The following TBC1D12 variants were observed in gnomAD, a reference collection of about 807,000 sequenced individuals.
TBC1D12 encodes the protein TBC1 domain family, member 12.
In TBC1D12, 56 loss-of-function variants were observed where a neutral mutation model predicts 86.7. The ratio of observed to expected loss-of-function variants is 0.65; its 90% confidence interval spans 0.52 to 0.81. The LOEUF (loss-of-function observed/expected upper bound fraction) is 0.81. Ranked by LOEUF, TBC1D12 falls within the 30% of genes least tolerant of loss-of-function variation. TBC1D12 has a pLI of 0.00. For missense variants in TBC1D12, 1,023 were observed against 1,038.8 expected (o/e 0.98, Z 0.21); for synonymous variants, 421 against 411.7 (o/e 1.02, Z -0.27).
chr10:94,420,099 G>T (rs907841239), intron 1 of TBC1D12, among the ~76,000 whole-genome samples: 2 of 152,158 alleles, frequency 1.3e-5, no homozygotes, highest in Non-Finnish European at 2.9e-5. Context: ...TTTGGAGGTG[G>T]TATCTTTGAG....
At chr10:94,496,339 C>T (rs1263508074) in intron 4 of TBC1D12, among the ~76,000 whole-genome samples, 5 of 152,062 alleles carry the variant, frequency 3.3e-5, no homozygotes, top group Admixed American at 6.6e-5. Context: ...TTTTCTTCCT[C>T]TAACTTTTGC....
At chr10:94,513,837 G>A (rs1336797622) in intron 9 of TBC1D12, among the ~76,000 whole-genome samples, 1 of 152,124 alleles carries the variant, frequency 6.6e-6, no homozygotes, top group Non-Finnish European at 1.5e-5. Flanking sequence ...GGGATTACAA[G>A]TGTGACCTAC....
At chr10:94,404,302 G>T (rs1354734567) in intron 1 of TBC1D12, among the ~76,000 whole-genome samples, 2 of 151,850 alleles carry the variant, frequency 1.3e-5, no homozygotes, top group Non-Finnish European at 2.9e-5. Context: ...AATAACTTTA[G>T]TTTTTTTAAA....
At chr10:94,429,400 A>G (rs1179875800) in intron 1 of TBC1D12, among the ~76,000 whole-genome samples, 1 of 152,122 alleles carries the variant, frequency 6.6e-6, no homozygotes, top group Non-Finnish European at 1.5e-5. Context: ...AAAAAACCCT[A>G]CTTTTTTTGC....
At chr10:94,526,523 A>C (rs145052629) in intron 11 of TBC1D12, among the ~76,000 whole-genome samples, 2 of 152,094 alleles carry the variant, frequency 1.3e-5, no homozygotes, top group Non-Finnish European at 2.9e-5. Context: ...ACTTAACATA[A>C]TGTCCTCTGG....
chr10:94,522,491 GA>G (rs1842177268), intron 11 of TBC1D12, 38 bp downstream of exon 11: 4 of 877,392 alleles, frequency 4.6e-6, no homozygotes, highest in Non-Finnish European at 6.8e-6. Context: ...TAATGAAAAG[GA>G]AATAAAGTAT....
chr10:94,477,498 G>A (rs1430139909), intron 3 of TBC1D12, among the ~76,000 whole-genome samples: 2 of 152,106 alleles, frequency 1.3e-5, no homozygotes, highest in African/African-American at 4.8e-5. Context: ...ACTGTACATG[G>A]GAATACCTGG....
At chr10:94,476,488 C>T (rs2055990111) in intron 3 of TBC1D12, among the ~76,000 whole-genome samples, 2 of 151,690 alleles carry the variant, frequency 1.3e-5, no homozygotes, top group South Asian at 4.2e-4. Context: ...TGAACCAGGC[C>T]AATTCAAAGA....
At chr10:94,477,822 A>G (rs988885945) in intron 3 of TBC1D12, among the ~76,000 whole-genome samples, 1 of 152,204 alleles carries the variant, frequency 6.6e-6, no homozygotes, top group African/African-American at 2.4e-5. Flanking sequence ...TGGGCTGCAC[A>G]GCAGGAGGTG....
intron 7 of TBC1D12, chr10:94,508,654 A>G (rs1426047284): frequency 6.6e-6 from 1 of 151,676 alleles, no homozygotes; most frequent in Non-Finnish European, 1.5e-5. Flanking sequence ...TCATCTTCCC[A>G]TCCCATGTTC....
intron 3 of TBC1D12, among the ~76,000 whole-genome samples, chr10:94,485,096 T>C (rs2056140152): frequency 6.6e-6 from 1 of 152,216 alleles, no homozygotes; most frequent in African/African-American, 2.4e-5. Flanking sequence ...TTTCCTTCTC[T>C]TGTCTGATTG....
Position 94,441,946 on chromosome 10 carries a change from C to T in TBC1D12, c.1022C>T (p.Ala341Val), listed in dbSNP as rs1223504134. The T allele has an allele frequency of 1.2e-6, 2 of 1,613,274 alleles. No individual in the cohort carries two copies. The highest frequency in any genetic ancestry group is 3.3e-5 in the Admixed American group (2 of 59,950). ...TKELKSVVHS[A>V]PGWKLFGKVP... ...GAACTCAAATCAGTTGTCCATAGTG[C>T]TCCTGGTTGGAAATTATTTGGTAAA... is the stretch of plus-strand genomic sequence containing the variant. Residue 341 changes from alanine to valine, a missense_variant, in exon 2 of 13, where the codon GCT becomes GTT. Transcript: ENST00000225235.
intron 11 of TBC1D12, among the ~76,000 whole-genome samples, chr10:94,523,192 C>CAAAAAAAA (rs33935088): frequency 2.0e-4 from 9 of 44,108 alleles, no homozygotes; most frequent in Middle Eastern, 0.016. Context: ...AACTCTATCT[C>CAAAAAAAA]AAAAAAAAAA....
chr10:94,500,164 C>A, intron 5 of TBC1D12, 57 bp from the exon 6 acceptor site: 1 of 1,474,168 alleles, frequency 6.8e-7, no homozygotes, highest in Non-Finnish European at 9.4e-7. Flanking sequence ...CATCATGCAA[C>A]TAGTATTTTT....
intron 9 of TBC1D12, among the ~76,000 whole-genome samples, chr10:94,517,570 C>A (rs531086737): frequency 3.5e-4 from 53 of 152,200 alleles, no homozygotes; most frequent in African/African-American, 1.2e-3. Context: ...CTGAAATGAG[C>A]TCTGTTAGGT....
At chr10:94,483,860 A>G (rs955365014) in intron 3 of TBC1D12, among the ~76,000 whole-genome samples, 14 of 152,170 alleles carry the variant, frequency 9.2e-5, no homozygotes, top group African/African-American at 3.4e-4. Flanking sequence ...TGCCCAGTCC[A>G]GTGTCCTGGA....
chr10:94,515,711 T>G (rs1677013042), intron 9 of TBC1D12, among the ~76,000 whole-genome samples: 1 of 152,242 alleles, frequency 6.6e-6, no homozygotes, highest in Non-Finnish European at 1.5e-5. Context: ...TATACTATGT[T>G]TTTTCTGTAC....
intron 2 of TBC1D12, among the ~76,000 whole-genome samples, chr10:94,465,753 T>C (rs183263594): frequency 1.2e-3 from 188 of 150,940 alleles, no homozygotes; most frequent in South Asian, 2.3e-3. Flanking sequence ...TACATACATA[T>C]GTATACATAC....
At chr10:94,433,367 C>T (rs1004093499) in intron 1 of TBC1D12, among the ~76,000 whole-genome samples, 4 of 152,142 alleles carry the variant, frequency 2.6e-5, no homozygotes, top group Non-Finnish European at 5.9e-5. Flanking sequence ...GATCCACCCA[C>T]CTCAGCCTTC....
Sources: gnomAD v4.1 joint callset for allele counts (sites outside exome capture counted in the v4.1 genomes callset) on GRCh38, gnomAD v4.1.1 for gene constraint, MANE v1.5 for transcripts, NCBI Gene and HGNC (gene_info 2026-07-23, HGNC 2026-07-21) for gene names.